Variants in PDZD2 observed in about 807,000 individuals in gnomAD.
PDZD2 encodes PDZ domain containing 2.
A neutral mutation model predicts 220.7 loss-of-function variants in PDZD2; 90 were observed. That is an observed-to-expected ratio of 0.41 (90% CI 0.34 to 0.49). The LOEUF (loss-of-function observed/expected upper bound fraction) is 0.49, where lower values mean the gene tolerates loss of function less well. Ranked by LOEUF, PDZD2 falls within the 20% of genes least tolerant of loss-of-function variation. The pLI, the probability that PDZD2 is intolerant of heterozygous loss-of-function variation, is 0.28. For missense variants in PDZD2, 3,174 were observed against 3,608.5 expected (o/e 0.88, Z 3.08); for synonymous variants, 1,375 against 1,450.5 (o/e 0.95, Z 1.18).
intron 3 of PDZD2, among the ~76,000 whole-genome samples, chr5:31,991,252 GA>G (rs1341762256): frequency 6.6e-6 from 1 of 152,162 alleles, no homozygotes; most frequent in Non-Finnish European, 1.5e-5. Context: ...TGTAGGAGGT[GA>G]AATTTAAAAG....
chr5:31,811,261 C>T (rs1228382923), intron 2 of PDZD2, among the ~76,000 whole-genome samples: 1 of 152,226 alleles, frequency 6.6e-6, no homozygotes, highest in Non-Finnish European at 1.5e-5. Context: ...GCTGGTGTTA[C>T]AGACCTGGCC....
At chr5:32,085,081 A>G (rs1742315633) in intron 19 of PDZD2, among the ~76,000 whole-genome samples, 1 of 149,868 alleles carries the variant, frequency 6.7e-6, no homozygotes, top group South Asian at 2.1e-4. Flanking sequence ...CAGCCTCCCA[A>G]GTAGCTGGGA....
chr5:31,731,468 G>T (rs1749532167), intron 1 of PDZD2, among the ~76,000 whole-genome samples: 2 of 152,088 alleles, frequency 1.3e-5, no homozygotes, highest in South Asian at 4.2e-4. Context: ...CCATTAAGCG[G>T]TCACTCGCTA....
intron 1 of PDZD2, among the ~76,000 whole-genome samples, chr5:31,643,395 C>T (rs113535697): frequency 1.8e-4 from 28 of 152,254 alleles, no homozygotes; most frequent in African/African-American, 6.3e-4. Context: ...ATTTAATGTC[C>T]CTCTCTTTTG....
intron 1 of PDZD2, among the ~76,000 whole-genome samples, chr5:31,689,721 G>C (rs423588): frequency 0.14 from 21,748 of 151,964 alleles, 1,637 homozygotes; most frequent in East Asian, 0.18. Flanking sequence ...TTCCCAAAGA[G>C]GGTTCAAGAC....
At chr5:31,777,324 C>T (rs1752729080) in intron 1 of PDZD2, among the ~76,000 whole-genome samples, 2 of 152,192 alleles carry the variant, frequency 1.3e-5, no homozygotes, top group African/African-American at 4.8e-5. Flanking sequence ...CTCGCCAGGC[C>T]TCAGCCGCCT....
intron 1 of PDZD2, among the ~76,000 whole-genome samples, chr5:31,641,169 C>T (rs1221065758): frequency 2.0e-5 from 3 of 152,084 alleles, no homozygotes; most frequent in Non-Finnish European, 2.9e-5. Context: ...AAAGATGCTC[C>T]CTCGCTGCTG....
chr5:31,942,757 G>T (rs1047494504), intron 2 of PDZD2, among the ~76,000 whole-genome samples: 1 of 152,196 alleles, frequency 6.6e-6, no homozygotes, highest in African/African-American at 2.4e-5. Context: ...ATGGTGTCGT[G>T]ACTACTTTTC....
chr5:31,932,950 G>A (rs1261903240), intron 2 of PDZD2, among the ~76,000 whole-genome samples: 1 of 149,230 alleles, frequency 6.7e-6, no homozygotes, highest in African/African-American at 2.5e-5. Flanking sequence ...CGCTCTTGTT[G>A]CCCAGGCTGG....
At chr5:31,829,767 C>G (rs893351811) in intron 2 of PDZD2, among the ~76,000 whole-genome samples, 2 of 152,082 alleles carry the variant, frequency 1.3e-5, no homozygotes, top group African/African-American at 4.8e-5. Flanking sequence ...ACTTTCCTAT[C>G]TATGGCTGGG....
intron 2 of PDZD2, among the ~76,000 whole-genome samples, chr5:31,982,092 GAC>G (rs1393638461): frequency 6.6e-6 from 1 of 152,168 alleles, no homozygotes; most frequent in Admixed American, 6.5e-5. Flanking sequence ...GTTCCTGGTT[GAC>G]ACAGTCTCCA....
chr5:32,035,829 C>A (rs1414744499), intron 6 of PDZD2, among the ~76,000 whole-genome samples: 1 of 152,184 alleles, frequency 6.6e-6, no homozygotes, highest in Non-Finnish European at 1.5e-5. Flanking sequence ...GAGGAAGATT[C>A]CTGCCAGTTG....
At chr5:32,058,362 TAAAA>T (rs775748379) in intron 12 of PDZD2, among the ~76,000 whole-genome samples, 2 of 131,890 alleles carry the variant, frequency 1.5e-5, no homozygotes, top group South Asian at 2.5e-4. Flanking sequence ...GGCTTGTGTT[TAAAA>T]AAAAAAAAAA....
At chr5:31,716,950 G>A (rs1242852577) in intron 1 of PDZD2, among the ~76,000 whole-genome samples, 3 of 152,100 alleles carry the variant, frequency 2.0e-5, no homozygotes, top group Admixed American at 1.3e-4. Flanking sequence ...GTTGGGGTGG[G>A]GTGGCGGTGA....
Position 32,072,225 on chromosome 5 carries a change from C to T in PDZD2, c.2633C>T (p.Ser878Leu). ...YFAHDVPGPL[S>L]DFMVAGSEDE... ...GCCCACGATGTCCCTGGCCCCTTGT[C>T]AGACTTCATGGTGGCCGGTTCTGAG... The change falls in exon 17 of 25, where the codon TCA becomes TTA. Residue 878 changes from serine to leucine, a missense_variant. Coordinates refer to ENST00000438447, the MANE Select transcript of PDZD2 (RefSeq NM_178140.4). 6.2e-7 allele frequency: 1 copy of T among 1,613,684 alleles called. No individual in the cohort carries two copies. Among genetic ancestry groups the T allele is most frequent in the Middle Eastern group, 1.7e-4 (1 of 6,060 alleles).
chr5:32,048,637 C>A lies in PDZD2; in HGVS notation c.1618C>A (p.Arg540=), dbSNP rs768559090. ...IRMLEVSRDG[R]KHSLPQLLDS... ...GATGTTGGAGGTCTCCCGAGATGGC[C>A]GGAAACACTCCCTCCCGCAGCTGCT... The change falls in exon 8 of 25, where the codon CGG becomes AGG. Residue 540 remains arginine (R), a synonymous_variant. Transcript: ENST00000438447. 5.4e-5 allele frequency: 87 copies of A among 1,613,972 alleles called. No individual in the cohort carries two copies. The highest frequency in any genetic ancestry group is 7.1e-5 in the Non-Finnish European group (84 of 1,180,012).
intron 1 of PDZD2, among the ~76,000 whole-genome samples, chr5:31,658,127 TGGTCTCTAA>T (rs1745622693): frequency 6.6e-6 from 1 of 152,130 alleles, no homozygotes; most frequent in Non-Finnish European, 1.5e-5. Context: ...CGCAGAATAA[TGGTCTCTAA>T]GCTCATCAGA....
intron 7 of PDZD2, among the ~76,000 whole-genome samples, chr5:32,037,874 C>T (rs540780967): frequency 6.6e-6 from 1 of 150,596 alleles, no homozygotes; most frequent in South Asian, 2.1e-4. Context: ...TGGAGTCTTG[C>T]TCTGTCACCC....
chr5:31,724,336 C>T (rs1245862325), intron 1 of PDZD2, among the ~76,000 whole-genome samples: 1 of 152,130 alleles, frequency 6.6e-6, no homozygotes, highest in East Asian at 1.9e-4. Context: ...GGCGCAGTGG[C>T]TCACGCCTGT....
Sources: allele counts gnomAD v4.1 joint callset (sites outside exome capture counted in the v4.1 genomes callset), GRCh38; gene constraint gnomAD v4.1.1; transcripts MANE v1.5; gene names NCBI Gene and HGNC (gene_info 2026-07-23, HGNC 2026-07-21).